BPIFB4: variants seen among roughly 807,000 people sequenced by gnomAD.
BPIFB4 encodes BPI fold-containing family B member 4.
A neutral mutation model predicts 69.2 loss-of-function variants in BPIFB4; 62 were observed. The ratio of observed to expected loss-of-function variants is 0.90; its 90% CI spans 0.73 to 1.11. BPIFB4 has a LOEUF of 1.11. Ranked by LOEUF, BPIFB4 falls within the 50% of genes least tolerant of loss-of-function variation. The pLI, the probability that BPIFB4 is intolerant of heterozygous loss-of-function variation, is 0.00. For synonymous variants in BPIFB4, 330 were observed against 332.7 expected, an observed-to-expected ratio of 0.99 and a Z score of 0.09; for missense variants, 789 against 792.0, an observed-to-expected ratio of 1.00 and a Z score of 0.04.
Position 33,097,788 on chromosome 20 carries a change from G to C in BPIFB4, c.1569+1G>C. Reference sequence around the variant, plus strand: ...GACTACCATCTGCCTCATTGACGTGGTGAGTGTCTGGAGGTACTGGTGGCC... The same window carrying C: ...GACTACCATCTGCCTCATTGACGTGCTGAGTGTCTGGAGGTACTGGTGGCC... On this transcript the variant is annotated splice_donor_variant, in intron 13 of 17. Coordinates refer to ENST00000375483, the MANE Select transcript of BPIFB4 (RefSeq NM_182519.3). LOFTEE classifies it high-confidence loss of function. 1.2e-6 allele frequency: 2 copies of C among 1,609,438 alleles called. No individual in the cohort carries two copies. The highest frequency in any genetic ancestry group is 2.2e-5 in the South Asian group (2 of 90,574).
At position 33,083,851 on chromosome 20, in the gene BPIFB4, C is replaced by T. The variant is rs199765854; in HGVS notation, c.654C>T (p.Leu218=). Residue 218 remains leucine (L), a synonymous_variant, in exon 5 of 18, where the codon CTC becomes CTT. Transcript: ENST00000375483. ...GCGTGCTCGGCGAGGGTGGCATCCTCAGCACTGTGCAAGGCATCACGGGGT... is the reference window on the plus strand; with the variant it reads ...GCGTGCTCGGCGAGGGTGGCATCCTTAGCACTGTGCAAGGCATCACGGGGT... The part of the protein sequence containing the change: ...VLGVLGEGGI[L]STVQGITGLR... 3.7e-6 allele frequency: 6 copies of T among 1,612,936 alleles called. No individual in the cohort carries two copies. The highest frequency in any genetic ancestry group is 4.5e-5 in the East Asian group (2 of 44,858).
Position 33,083,875 on chromosome 20 carries a change from G to T in BPIFB4, c.677+1G>T, listed in dbSNP as rs561274933. 6 of 1,600,160 alleles carry T rather than the reference G, an allele frequency of 3.7e-6. No individual in the cohort carries two copies. The East Asian group carries it at 9.0e-5, about 24-fold the overall frequency. ...TCAGCACTGTGCAAGGCATCACGGGGTAAGGAGGGGACGGGTTCTCCCCAG... is the reference window on the plus strand; with the variant it reads ...TCAGCACTGTGCAAGGCATCACGGGTTAAGGAGGGGACGGGTTCTCCCCAG... On this transcript the variant is annotated splice_donor_variant, in intron 5 of 17. Coordinates refer to ENST00000375483, the MANE Select transcript of BPIFB4 (RefSeq NM_182519.3). LOFTEE classifies it high-confidence loss of function.
At chr20:33,100,525 G>A (rs1169688677) in intron 14 of BPIFB4, 32 bp downstream of exon 14, 3 of 1,570,020 alleles carry the variant, frequency 1.9e-6, no homozygotes, top group East Asian at 2.2e-5. Flanking sequence ...GGGTCCTGAC[G>A]GTGCTGGTGC....
chr20:33,090,847 G>A (rs1369101911), intron 10 of BPIFB4, 48 bp downstream of exon 10: 1 of 1,608,622 alleles, frequency 6.2e-7, no homozygotes, highest in South Asian at 1.1e-5. Flanking sequence ...TCCTCCCAAA[G>A]GCAGGAGTAT....
chr20:33,092,808 T>C, intron 11 of BPIFB4, 150 bp downstream of exon 11: 1 of 716,458 alleles, frequency 1.4e-6, no homozygotes. Context: ...TGGGTGTGCG[T>C]CAATTACGTC....
intron 17 of BPIFB4, among the ~76,000 whole-genome samples, 190 bp downstream of exon 17, chr20:33,108,010 ACT>A (rs770151985): frequency 6.6e-6 from 1 of 151,768 alleles, no homozygotes; most frequent in Non-Finnish European, 1.5e-5. Context: ...CCTTGAAGAC[ACT>A]CTCCCATTCA....
intron 7 of BPIFB4, 112 bp downstream of exon 7, chr20:33,086,276 G>C: frequency 7.3e-7 from 1 of 1,372,584 alleles, no homozygotes; most frequent in Non-Finnish European, 1.0e-6. Context: ...GCAGGACGAT[G>C]ATGCTGTGGG....
intron 10 of BPIFB4, 147 bp from the exon 11 acceptor site, chr20:33,092,311 G>A (rs1981622663): frequency 1.6e-6 from 1 of 637,608 alleles, no homozygotes; most frequent in Non-Finnish European, 2.7e-6. Context: ...AGGAGAGTGG[G>A]GACCATGCAT....
At position 33,089,439 on chromosome 20, in the gene BPIFB4, C is replaced by A. The variant is rs1981531426; in HGVS notation, c.991-59C>A. The A allele has an allele frequency of 5.0e-6, 8 of 1,611,694 alleles. No homozygotes were observed. In the Middle Eastern group the frequency reaches 1.3e-3, roughly 267 times the overall value. ...GCTATCGTTACTCTTGCGTCCCCGA[C>A]TCCCTTGCTCCTACTCCCTGCAGCG... On this transcript the variant is annotated intron_variant, in intron 8 of 17. Transcript: ENST00000375483.
At chr20:33,084,854 G>A in intron 5 of BPIFB4, 38 bp from the exon 6 acceptor site, 1 of 1,593,928 alleles carries the variant, frequency 6.3e-7, no homozygotes, top group Non-Finnish European at 8.5e-7. Flanking sequence ...GTGGTAGTTG[G>A]GGTGGCCGGC....
In BPIFB4 at chr20:33,089,517, T is replaced by G. The variant is rs757876875; in HGVS notation, c.1010T>G (p.Val337Gly). The G allele has an allele frequency of 1.2e-6, 2 of 1,614,238 alleles. No homozygotes were observed. Among genetic ancestry groups the G allele is most frequent in the South Asian group, 2.2e-5 (2 of 91,082 alleles). The change falls in exon 9 of 18, where the codon GTG becomes GGG. Residue 337 changes from valine (V) to glycine (G), a missense_variant. Val to Gly is a moderately radical substitution (Grantham distance 109). Coordinates refer to ENST00000375483, the MANE Select transcript of BPIFB4 (RefSeq NM_182519.3). ...LPDLLCPIVD[V>G]VLGLVNDQLG... ...CTGCAGCTCTGCCCCATCGTGGATG[T>G]GGTGCTGGGTCTTGTCAATGACCAG... is the stretch of plus-strand genomic sequence containing the variant.
At chr20:33,097,903 G>A in intron 13 of BPIFB4, 116 bp downstream of exon 13, 5 of 1,167,932 alleles carry the variant, frequency 4.3e-6, no homozygotes, top group Non-Finnish European at 5.9e-6. Context: ...ATGACTATGG[G>A]CCCAACTTTG....
At chr20:33,104,638 C>G in intron 15 of BPIFB4, 172 bp from the exon 16 acceptor site, 1 of 602,432 alleles carries the variant, frequency 1.7e-6, no homozygotes, top group Non-Finnish European at 2.9e-6. Context: ...TGGGGGGCAC[C>G]TTAAGGCTGC....
chr20:33,106,725 T>C (rs1600564716), intron 16 of BPIFB4, among the ~76,000 whole-genome samples: 2 of 152,126 alleles, frequency 1.3e-5, no homozygotes, highest in East Asian at 3.9e-4. Context: ...GTTTCTCTAA[T>C]AGAGCAGTTC....
At chr20:33,080,066 A>G (rs1981184025) in intron 1 of BPIFB4, among the ~76,000 whole-genome samples, 1 of 152,244 alleles carries the variant, frequency 6.6e-6, no homozygotes, top group Non-Finnish European at 1.5e-5. Flanking sequence ...CTCTCTGGAA[A>G]GTGAGGTTAG....
rs375439237 is a variant in BPIFB4 at position 33,107,767 on chromosome 20, C to G, written c.1768C>G (p.Leu590Val). The G allele has an allele frequency of 1.1e-5, 18 of 1,614,048 alleles. No individual in the cohort carries two copies. The highest frequency in any genetic ancestry group is 3.3e-5 in the Admixed American group (2 of 60,012). The change falls in exon 17 of 18, where the codon CTC becomes GTC. Residue 590 changes from leucine (L) to valine (V), a missense_variant. This residue lies in a region of BPIFB4 where 170 missense variants were observed against 193.6 expected (regional missense o/e 0.88). Transcript: ENST00000375483. ...AGCTGTGCTGGGTTCTGGCGTCCCTCTCCCCAAAATCCTCAACATCGACTT... is the reference window on the plus strand; with the variant it reads ...AGCTGTGCTGGGTTCTGGCGTCCCTGTCCCCAAAATCCTCAACATCGACTT... ...MNAVLGSGVP[L>V]PKILNIDFSN...
chr20:33,102,917 C>G, intron 14 of BPIFB4, 55 bp from the exon 15 acceptor site: 1 of 1,564,672 alleles, frequency 6.4e-7, no homozygotes, highest in Non-Finnish European at 8.8e-7. Context: ...AATGCAAGAG[C>G]CTTATGATTT....
intron 8 of BPIFB4, 124 bp downstream of exon 8, chr20:33,089,153 G>A (rs1389822075): frequency 1.4e-6 from 2 of 1,466,238 alleles, no homozygotes; most frequent in Non-Finnish European, 1.9e-6. Flanking sequence ...GCCAAGGCCT[G>A]GGGCATGTAT....
chr20:33,102,813 G>A (rs976970188), intron 14 of BPIFB4, among the ~76,000 whole-genome samples, 159 bp from the exon 15 acceptor site: 13 of 152,148 alleles, frequency 8.5e-5, no homozygotes, highest in Admixed American at 2.0e-4. Context: ...TGTAGTTAGC[G>A]CTCAGCATGT....
Sources: gnomAD v4.1 joint callset for allele counts (sites outside exome capture counted in the v4.1 genomes callset) on GRCh38, gnomAD v4.1.1 for gene constraint, gnomAD v4.1.1 regional missense constraint, MANE v1.5 for transcripts, NCBI Gene and HGNC (gene_info 2026-07-23, HGNC 2026-07-21) for gene names.